The following SSBP3 variants were observed in gnomAD, a reference collection of about 807,000 sequenced individuals.
The protein encoded by SSBP3 is single stranded DNA binding protein 3.
SSBP3 carries 5 observed loss-of-function variants against 69.6 expected under a neutral mutation model. The ratio of observed to expected loss-of-function variants is 0.07; its 90% CI spans 0.04 to 0.15. The LOEUF (loss-of-function observed/expected upper bound fraction) is 0.15, where lower values mean the gene tolerates loss of function less well. Among genes scored for constraint, SSBP3 ranks in the 10% least tolerant of loss-of-function variants. SSBP3 has a pLI of 1.00. For missense variants in SSBP3, 312 were observed against 534.0 expected, an observed-to-expected ratio of 0.58 and a Z score of 4.10; for synonymous variants, 196 against 193.4, an observed-to-expected ratio of 1.01 and a Z score of -0.11.
chr1:54,283,264 C>T (rs1299191386), intron 4 of SSBP3, among the ~76,000 whole-genome samples: 1 of 108,006 alleles, frequency 9.3e-6, no homozygotes. Flanking sequence ...GCAAAACTCC[C>T]CATCTCATAA....
At chr1:54,393,018 G>A (rs1401685995) in intron 4 of SSBP3, among the ~76,000 whole-genome samples, 2 of 152,124 alleles carry the variant, frequency 1.3e-5, no homozygotes, top group Admixed American at 6.5e-5. Flanking sequence ...TGGCAGGGGA[G>A]GAAAAAACCC....
At chr1:54,374,234 G>A (rs936199752) in intron 4 of SSBP3, among the ~76,000 whole-genome samples, 2 of 152,230 alleles carry the variant, frequency 1.3e-5, no homozygotes, top group South Asian at 2.1e-4. Context: ...GCAGGTGGCC[G>A]GCAGCCCACG....
At chr1:54,328,388 G>GCT (rs1202013159) in intron 4 of SSBP3, among the ~76,000 whole-genome samples, 1 of 152,218 alleles carries the variant, frequency 6.6e-6, no homozygotes, top group Non-Finnish European at 1.5e-5. Flanking sequence ...ACCTGGCAGG[G>GCT]CTCTGGTCCT....
chr1:54,235,716 C>A (rs897233712), intron 14 of SSBP3, among the ~76,000 whole-genome samples: 1 of 151,558 alleles, frequency 6.6e-6, no homozygotes, highest in Non-Finnish European at 1.5e-5. Flanking sequence ...CCAACGTGCT[C>A]GGATTACAGG....
chr1:54,242,819 G>A (rs143536275), intron 10 of SSBP3: 5,886 of 167,702 alleles, frequency 0.035, 134 homozygotes, highest in South Asian at 0.11. Context: ...GCATGTTGGC[G>A]GGAGCCTGTA....
exon 1 of SSBP3, chr1:54,406,120 G>T (rs1649747214): frequency 3.8e-6 from 3 of 790,148 alleles, no homozygotes; most frequent in Non-Finnish European, 5.4e-6. Flanking sequence ...GCGCTCGCTC[G>T]CTCTCTCGCT....
intron 4 of SSBP3, among the ~76,000 whole-genome samples, chr1:54,327,521 ATG>A (rs1179006657): frequency 1.3e-5 from 2 of 152,076 alleles, no homozygotes; most frequent in Non-Finnish European, 2.9e-5. Flanking sequence ...TTCAAGTCAA[ATG>A]TAGCCGTTAA....
intron 4 of SSBP3, among the ~76,000 whole-genome samples, chr1:54,310,353 C>G (rs1645978526): frequency 6.6e-6 from 1 of 152,112 alleles, no homozygotes; most frequent in Non-Finnish European, 1.5e-5. Flanking sequence ...ACCTGGTCAC[C>G]TTCCATAGAG....
exon 17 of SSBP3, chr1:54,228,335 C>T (rs1644322635): frequency 6.2e-7 from 1 of 1,613,998 alleles, no homozygotes; most frequent in African/African-American, 1.3e-5. Context: ...TTGCTAATGC[C>T]ACTTATGTTG....
intron 5 of SSBP3, among the ~76,000 whole-genome samples, chr1:54,274,668 G>A (rs1038115930): frequency 6.6e-6 from 1 of 152,144 alleles, no homozygotes; most frequent in Non-Finnish European, 1.5e-5. Flanking sequence ...TCGGGCCATG[G>A]CCACCTCCAG....
chr1:54,235,610 G>A (rs112473292), intron 14 of SSBP3, among the ~76,000 whole-genome samples: 1,973 of 151,702 alleles, frequency 0.013, 42 homozygotes, highest in African/African-American at 0.045. Context: ...CAGCCACCAC[G>A]CCTGGCTAAT....
intron 5 of SSBP3, among the ~76,000 whole-genome samples, chr1:54,261,857 C>T (rs975052605): frequency 2.0e-5 from 3 of 152,216 alleles, no homozygotes; most frequent in Middle Eastern, 3.4e-3. Context: ...TTAGGGAGAA[C>T]GGCATCTGCC....
chr1:54,347,357 T>A lies in SSBP3; in HGVS notation c.276+54504A>T, dbSNP rs1437011914. ...AAATAGTTGTTAGGCTGTTTTTTAA[T>A]TTGTCCCCTTTTTAAAAAAAAAAAA... On this transcript the variant is annotated intron_variant, in intron 4 of 17. Coordinates refer to ENST00000610401, the Ensembl canonical transcript of SSBP3. Among the ~76,000 whole-genome samples the A allele has an allele frequency of 3.3e-5, 5 of 149,814 alleles. No individual in the cohort carries two copies. In the South Asian group the frequency reaches 6.3e-4, roughly 19 times the overall value.
intron 4 of SSBP3, among the ~76,000 whole-genome samples, chr1:54,370,171 T>C (rs1647104600): frequency 6.6e-6 from 1 of 152,146 alleles, no homozygotes; most frequent in South Asian, 2.1e-4. Context: ...TCCAGGGCCT[T>C]CCTGGAAGCT....
At chr1:54,377,365 G>A (rs1314971936) in intron 4 of SSBP3, among the ~76,000 whole-genome samples, 3 of 152,260 alleles carry the variant, frequency 2.0e-5, no homozygotes, top group Admixed American at 6.5e-5. Flanking sequence ...AGTGTGCTGA[G>A]TGCTGAGTGT....
At chr1:54,300,990 T>C (rs1417898734) in intron 4 of SSBP3, among the ~76,000 whole-genome samples, 1 of 152,206 alleles carries the variant, frequency 6.6e-6, no homozygotes, top group Admixed American at 6.5e-5. Flanking sequence ...ATTTAAGAGA[T>C]GGACACTCTT....
chr1:54,327,220 G>GGAAGGAAA (rs2100421581), intron 4 of SSBP3, among the ~76,000 whole-genome samples: 1 of 60,170 alleles, frequency 1.7e-5, no homozygotes, highest in Admixed American at 1.8e-4. Flanking sequence ...AGAGGGAAAA[G>GGAAGGAAA]GAAGGAAGGA....
At chr1:54,406,047 G>A in exon 1 of SSBP3, 3 of 1,415,574 alleles carry the variant, frequency 2.1e-6, no homozygotes, top group East Asian at 3.2e-5. Flanking sequence ...CGCCGCCGCC[G>A]CCGCCGCCGC....
chr1:54,412,041 C>G (rs1221485335), intron 1 of SSBP3, among the ~76,000 whole-genome samples: 1 of 152,204 alleles, frequency 6.6e-6, no homozygotes, highest in Non-Finnish European at 1.5e-5. Context: ...CAGCATGGCT[C>G]TATTTTCATT....
Sources: allele counts gnomAD v4.1 joint callset (sites outside exome capture counted in the v4.1 genomes callset), GRCh38; gene constraint gnomAD v4.1.1; transcripts MANE v1.5; gene names NCBI Gene and HGNC (gene_info 2026-07-23, HGNC 2026-07-21).